The following ZDHHC7 variants were observed in gnomAD, a reference collection of about 807,000 sequenced individuals.
ZDHHC7 encodes the protein palmitoyltransferase ZDHHC7.
In ZDHHC7, 12 loss-of-function variants were observed where a neutral mutation model predicts 34.1. The ratio of observed to expected loss-of-function variants is 0.35; its 90% CI spans 0.23 to 0.57. The LOEUF is 0.57. ZDHHC7 is among the 20% of genes least tolerant of loss of function. ZDHHC7 has a pLI of 0.84. For missense variants in ZDHHC7, 388 were observed against 402.7 expected, an observed-to-expected ratio of 0.96 and a Z score of 0.31; for synonymous variants, 185 against 155.4, an observed-to-expected ratio of 1.19 and a Z score of -1.42.
At chr16:85,017,267 T>A in the ZDHHC7 span, among the ~76,000 whole-genome samples, 1 of 152,210 alleles carries the variant, frequency 6.6e-6, no homozygotes, top group Non-Finnish European at 1.5e-5. Flanking sequence ...ATGAAAGTGC[T>A]CATTCTCATT....
intron 7 of ZDHHC7, 45 bp downstream of exon 7, chr16:84,977,050 G>A: frequency 6.2e-7 from 1 of 1,610,702 alleles, no homozygotes; most frequent in East Asian, 2.2e-5. Context: ...ATTTACTCAA[G>A]CTTGGACCAC....
chr16:85,024,090 G>C, the ZDHHC7 span, among the ~76,000 whole-genome samples: 36 of 151,932 alleles, frequency 2.4e-4, no homozygotes, highest in South Asian at 3.7e-3. Context: ...ACTAATTTTT[G>C]TATTTTTAGT....
chr16:85,013,018 C>G (rs1270630987), upstream of ZDHHC7, among the ~76,000 whole-genome samples: 2 of 152,154 alleles, frequency 1.3e-5, no homozygotes, highest in Admixed American at 1.3e-4. Flanking sequence ...AGGAAAAGTT[C>G]TCTTTATCCT....
the ZDHHC7 span, among the ~76,000 whole-genome samples, chr16:85,018,352 G>A: frequency 2.0e-5 from 3 of 152,154 alleles, no homozygotes; most frequent in Non-Finnish European, 4.4e-5. Flanking sequence ...GAGCGTGGGG[G>A]GCAGGGTGCT....
chr16:84,980,730 G>T (rs1314694724), intron 4 of ZDHHC7, among the ~76,000 whole-genome samples: 1 of 152,152 alleles, frequency 6.6e-6, no homozygotes, highest in East Asian at 1.9e-4. Flanking sequence ...ACAATTCAAT[G>T]ATTTTTATTC....
At chr16:85,025,725 C>A in the ZDHHC7 span, among the ~76,000 whole-genome samples, 1 of 152,164 alleles carries the variant, frequency 6.6e-6, no homozygotes, top group Non-Finnish European at 1.5e-5. Flanking sequence ...TTTTAAAAAC[C>A]AGTTTGAATT....
chr16:84,984,420 C>T (rs373770757), intron 3 of ZDHHC7, among the ~76,000 whole-genome samples: 3 of 152,232 alleles, frequency 2.0e-5, no homozygotes, highest in Non-Finnish European at 2.9e-5. Flanking sequence ...AGGTGACAGT[C>T]GAGTGTTACA....
At chr16:84,985,808 A>G (rs540412881) in intron 3 of ZDHHC7, among the ~76,000 whole-genome samples, 1 of 152,114 alleles carries the variant, frequency 6.6e-6, no homozygotes, top group African/African-American at 2.4e-5. Flanking sequence ...TACAAAAACT[A>G]GCCGGGCATG....
rs1460901095 is a variant in ZDHHC7 at position 84,976,954 on chromosome 16, AG to A, written c.750+140del. ...CCAGAATGAAAGAAACAGCAAACAC[AG>A]GGAGCTGGTTGCAGCTCATCAAGAC... On this transcript the variant is annotated intron_variant, in intron 7 of 7. Transcript: ENST00000313732. 2.4e-6 allele frequency: 3 copies of A among 1,231,114 alleles called. No individual in the cohort carries two copies. The African/African-American group carries it at 4.5e-5, about 19-fold the overall frequency. The allele number at this position is 1,231,114 out of a possible 1,614,324, so 76.3% of individuals were successfully genotyped here. A position where few individuals can be genotyped will look rare whatever the true frequency, so the allele number is the denominator to read the frequency against.
Position 84,981,993 on chromosome 16 carries a change from C to G in ZDHHC7, c.317G>C (p.Gly106Ala). The change falls in exon 4 of 8, where the codon GGG becomes GCG. Residue 106 changes from glycine (G) to alanine (A), a missense_variant and splice_region_variant. Physicochemically the swap from Gly to Ala is moderately conservative, Grantham distance 60. Coordinates refer to ENST00000313732, the MANE Select transcript of ZDHHC7 (RefSeq NM_017740.3). ...CGTAGCGTTTCCTTTGGGTACTGCC[C>G]CCTACCATATAAGAAGAATGTACTT... The part of the protein sequence containing the change: ...SHLRTMLTDP[G>A]AVPKGNATKE... 1 of 1,614,038 alleles carries G rather than the reference C, an allele frequency of 6.2e-7. No individual in the cohort carries two copies. Among genetic ancestry groups the G allele is most frequent in the Non-Finnish European group, 8.5e-7 (1 of 1,179,982 alleles).
rs976195775 is a variant in ZDHHC7, at chr16:84,980,578, A to G, written c.440+1292T>C. Among the ~76,000 whole-genome samples the G allele has an allele frequency of 2.6e-5, 4 of 152,100 alleles. No individual in the cohort carries two copies. The East Asian group carries it at 7.9e-4, about 30-fold the overall frequency. ...CCAGCTACTAGGGAGGCTGAGGCACAAGAATCGCTTGAGCCTGAGAGGCAG... is the reference window on the plus strand; with the variant it reads ...CCAGCTACTAGGGAGGCTGAGGCACGAGAATCGCTTGAGCCTGAGAGGCAG... On this transcript the variant is annotated intron_variant, in intron 4 of 7. Coordinates refer to ENST00000313732, the MANE Select transcript of ZDHHC7 (RefSeq NM_017740.3).
the ZDHHC7 span, among the ~76,000 whole-genome samples, chr16:85,019,588 G>C: frequency 6.6e-6 from 1 of 152,090 alleles, no homozygotes; most frequent in Non-Finnish European, 1.5e-5. Context: ...GTGGTGGCAG[G>C]CACCTGTAAT....
At chr16:85,024,234 T>TG in the ZDHHC7 span, among the ~76,000 whole-genome samples, 118 of 147,356 alleles carry the variant, frequency 8.0e-4, 1 homozygote, top group East Asian at 0.015. Context: ...TTTTTTGTTT[T>TG]TTTTTTTTTT....
At chr16:84,990,735 T>G in intron 2 of ZDHHC7, 100 bp from the exon 3 acceptor site, 1 of 908,756 alleles carries the variant, frequency 1.1e-6, no homozygotes, top group Non-Finnish European at 1.6e-6. Flanking sequence ...TTCATGAAGT[T>G]AGTCTAAATA....
chr16:85,017,660 C>T, the ZDHHC7 span, among the ~76,000 whole-genome samples: 1 of 152,198 alleles, frequency 6.6e-6, no homozygotes, highest in South Asian at 2.1e-4. Context: ...GAATCAATCT[C>T]ACAAATATAA....
chr16:84,978,082 G>T, intron 5 of ZDHHC7, 77 bp from the exon 6 acceptor site: 1 of 1,220,060 alleles, frequency 8.2e-7, no homozygotes, highest in Non-Finnish European at 1.2e-6. Flanking sequence ...CTGTTGTCCA[G>T]GCTGGAATGC....
intron 1 of ZDHHC7, among the ~76,000 whole-genome samples, chr16:85,007,609 G>A (rs2072735133): frequency 1.3e-5 from 2 of 151,880 alleles, no homozygotes; most frequent in African/African-American, 4.9e-5. Flanking sequence ...GCAGACACAA[G>A]CGTTAACATC....
At chr16:84,984,941 G>A (rs1235817434) in intron 3 of ZDHHC7, among the ~76,000 whole-genome samples, 1 of 152,200 alleles carries the variant, frequency 6.6e-6, no homozygotes, top group Non-Finnish European at 1.5e-5. Context: ...GGCAGGGGCT[G>A]GAGCACCGTT....
intron 3 of ZDHHC7, among the ~76,000 whole-genome samples, chr16:84,986,207 C>T (rs924821661): frequency 2.0e-5 from 3 of 152,150 alleles, no homozygotes; most frequent in African/African-American, 2.4e-5. Context: ...CAAGGTGGAG[C>T]GCTCTTTTCT....
Sources: gnomAD v4.1 joint callset for allele counts (sites outside exome capture counted in the v4.1 genomes callset) on GRCh38, gnomAD v4.1.1 for gene constraint, MANE v1.5 for transcripts, NCBI Gene and HGNC (gene_info 2026-07-23, HGNC 2026-07-21) for gene names.